IL1RAPL1: variants seen among roughly 807,000 people sequenced by gnomAD.
IL1RAPL1 encodes interleukin 1 receptor accessory protein like 1, also known as interleukin-1 receptor accessory protein-like 1.
Under a neutral mutation model 48.4 loss-of-function variants are expected in IL1RAPL1, and 3 were observed. That is an observed-to-expected ratio of 0.06 (90% CI 0.03 to 0.16). IL1RAPL1 has a LOEUF of 0.16. Ranked by LOEUF, IL1RAPL1 falls within the 10% of genes least tolerant of loss-of-function variation. IL1RAPL1 has a pLI of 1.00. For synonymous variants in IL1RAPL1, 185 were observed against 187.7 expected, an observed-to-expected ratio of 0.99 and a Z score of 0.12; for missense variants, 349 against 530.6, an observed-to-expected ratio of 0.66 and a Z score of 3.36.
At chrX:28,624,401 T>C (rs924882407) in intron 1 of IL1RAPL1, among the ~76,000 whole-genome samples, 1 of 111,855 alleles carries the variant, frequency 8.9e-6, no homozygotes, top group African/African-American at 3.3e-5. Flanking sequence ...TTAGACAAAC[T>C]ATAACTGAGT....
intron 2 of IL1RAPL1, among the ~76,000 whole-genome samples, chrX:28,949,922 G>A (rs1043985656): frequency 9.1e-6 from 1 of 110,124 alleles, no homozygotes; most frequent in Non-Finnish European, 1.9e-5. Context: ...TTCTTTTGCT[G>A]TGCAGAAGCT....
intron 5 of IL1RAPL1, among the ~76,000 whole-genome samples, chrX:29,575,485 G>A (rs1182062169): frequency 9.0e-6 from 1 of 111,501 alleles, no homozygotes; most frequent in Non-Finnish European, 1.9e-5. Flanking sequence ...GATGTCCAAG[G>A]GCAGAAGACT....
chrX:29,575,399 T>C (rs1450407458), intron 5 of IL1RAPL1, among the ~76,000 whole-genome samples: 1 of 111,533 alleles, frequency 9.0e-6, no homozygotes, highest in African/African-American at 3.3e-5. Flanking sequence ...CTTCAGTCTG[T>C]GGCTGAAGGG....
intron 2 of IL1RAPL1, among the ~76,000 whole-genome samples, chrX:28,957,306 A>G (rs761316153): frequency 9.0e-6 from 1 of 111,706 alleles, no homozygotes; most frequent in African/African-American, 3.2e-5. Context: ...AAAATTACTA[A>G]TCTTTAACTC....
intron 5 of IL1RAPL1, among the ~76,000 whole-genome samples, chrX:29,633,265 A>G (rs1258846578): frequency 9.0e-6 from 1 of 111,654 alleles, no homozygotes; most frequent in Non-Finnish European, 1.9e-5. Context: ...TATATAATAT[A>G]TGATTTCATT....
At chrX:29,831,050 G>A (rs997192687) in intron 6 of IL1RAPL1, among the ~76,000 whole-genome samples, 2 of 111,705 alleles carry the variant, frequency 1.8e-5, no homozygotes, top group Non-Finnish European at 3.8e-5. Flanking sequence ...GAAAATTAGA[G>A]ACAATGTCTC....
At chrX:29,884,365 C>G (rs1003025603) in intron 6 of IL1RAPL1, among the ~76,000 whole-genome samples, 10 of 110,992 alleles carry the variant, frequency 9.0e-5, no homozygotes, top group African/African-American at 3.3e-4. Flanking sequence ...GAGAGCTGCA[C>G]TGGACAAAGT....
At chrX:29,161,277 T>C (rs887845723) in intron 2 of IL1RAPL1, among the ~76,000 whole-genome samples, 15 of 111,576 alleles carry the variant, frequency 1.3e-4, no homozygotes, top group African/African-American at 4.9e-4. Flanking sequence ...TGGAGAACTT[T>C]CTGAACTATA....
Position 29,781,008 on chromosome X carries a change from C to T in IL1RAPL1, c.778+112504C>T, listed in dbSNP as rs192184136. ...ATGATTACCATGAATTAAAAAAACCCACAAAACTCATAACAATGCTTGGTG... is the reference window on the plus strand; with the variant it reads ...ATGATTACCATGAATTAAAAAAACCTACAAAACTCATAACAATGCTTGGTG... On this transcript the variant is annotated intron_variant, in intron 6 of 10. Transcript: ENST00000378993. Among the ~76,000 whole-genome samples, 7 of 110,734 alleles carry T rather than the reference C, an allele frequency of 6.3e-5. No homozygotes were observed. The East Asian group carries it at 2.0e-3, about 32-fold the overall frequency.
chrX:28,894,199 T>TG (rs756297634), intron 2 of IL1RAPL1, among the ~76,000 whole-genome samples: 12 of 112,350 alleles, frequency 1.1e-4, no homozygotes, highest in African/African-American at 2.9e-4. Flanking sequence ...TAAATATTGA[T>TG]GTGTAGTACC....
intron 5 of IL1RAPL1, among the ~76,000 whole-genome samples, chrX:29,446,148 A>AT (rs1473793451): frequency 9.0e-6 from 1 of 111,005 alleles, no homozygotes; most frequent in Non-Finnish European, 1.9e-5. Flanking sequence ...TGTCCTATAT[A>AT]TTTTTTTTAA....
chrX:29,813,834 C>G (rs1930431771), intron 6 of IL1RAPL1, among the ~76,000 whole-genome samples: 1 of 111,556 alleles, frequency 9.0e-6, no homozygotes, highest in African/African-American at 3.3e-5. Context: ...TAAGTGAGAT[C>G]ATGCAGTATT....
At chrX:29,405,993 A>G (rs955092388) in intron 5 of IL1RAPL1, among the ~76,000 whole-genome samples, 3 of 111,348 alleles carry the variant, frequency 2.7e-5, no homozygotes, top group Non-Finnish European at 5.6e-5. Flanking sequence ...CTACTGATCT[A>G]TTTTCAAGCT....
In IL1RAPL1 at chrX:29,234,889, A is replaced by T. The variant is rs1328423164; in HGVS notation, c.83-48049A>T. Among the ~76,000 whole-genome samples the T allele has an allele frequency of 4.4e-5, 5 of 112,652 alleles. No individual in the cohort carries two copies. The South Asian group carries it at 1.8e-3, about 41-fold the overall frequency. Reference sequence around the variant, plus strand: ...TTTCACAGTGCCTGGCCTATGCAATAGATCAACAAGTATTATTTATGATTA... The same window carrying T: ...TTTCACAGTGCCTGGCCTATGCAATTGATCAACAAGTATTATTTATGATTA... On this transcript the variant is annotated intron_variant, in intron 2 of 10. Transcript: ENST00000378993.
chrX:28,959,791 A>T (rs1488099734), intron 2 of IL1RAPL1, among the ~76,000 whole-genome samples: 1 of 112,133 alleles, frequency 8.9e-6, no homozygotes, highest in Non-Finnish European at 1.9e-5. Flanking sequence ...AAATTTCTGA[A>T]TCACTGATTT....
At chrX:29,174,116 G>T (rs1408172570) in intron 2 of IL1RAPL1, among the ~76,000 whole-genome samples, 1 of 110,256 alleles carries the variant, frequency 9.1e-6, no homozygotes, top group African/African-American at 3.3e-5. Flanking sequence ...TAGAGACGGG[G>T]TTTCTCCATG....
chrX:29,696,670 C>T (rs756320034), intron 6 of IL1RAPL1, among the ~76,000 whole-genome samples: 2 of 111,826 alleles, frequency 1.8e-5, no homozygotes, highest in Middle Eastern at 4.2e-3. Context: ...AGTTGGTCAA[C>T]ATGAGCTTGG....
chrX:29,623,962 G>A (rs891065708), intron 5 of IL1RAPL1, among the ~76,000 whole-genome samples: 4 of 111,827 alleles, frequency 3.6e-5, no homozygotes, highest in African/African-American at 1.3e-4. Context: ...GACATATTAG[G>A]AAGTCAATAA....
intron 5 of IL1RAPL1, among the ~76,000 whole-genome samples, chrX:29,520,849 C>G: frequency 9.0e-6 from 1 of 111,029 alleles, no homozygotes; most frequent in Non-Finnish European, 1.9e-5. Flanking sequence ...GATACTTAAT[C>G]TAGGTCTTAA....
Sources: allele counts gnomAD v4.1 joint callset (sites outside exome capture counted in the v4.1 genomes callset), GRCh38; gene constraint gnomAD v4.1.1; transcripts MANE v1.5; gene names NCBI Gene and HGNC (gene_info 2026-07-23, HGNC 2026-07-21).